PPM1L: variants seen among roughly 807,000 people sequenced by gnomAD.
PPM1L encodes protein phosphatase 1L.
PPM1L carries 13 observed loss-of-function variants against 31.4 expected under a neutral mutation model. The observed-to-expected ratio is 0.41, with a 90% confidence interval of 0.27 to 0.66. The LOEUF (loss-of-function observed/expected upper bound fraction) is 0.66. Among genes scored for constraint, PPM1L ranks in the 30% least tolerant of loss-of-function variants. The probability of loss-of-function intolerance (pLI) is 0.29; values close to 1 mark genes in which losing one functional copy is unlikely to be tolerated. For synonymous variants in PPM1L, 184 were observed against 175.4 expected, an observed-to-expected ratio of 1.05 and a Z score of -0.39; for missense variants, 326 against 453.7, an observed-to-expected ratio of 0.72 and a Z score of 2.56.
At chr3:160,864,629 T>C (rs545313196) in intron 1 of PPM1L, among the ~76,000 whole-genome samples, 37 of 152,348 alleles carry the variant, frequency 2.4e-4, no homozygotes, top group South Asian at 2.1e-4. Flanking sequence ...AGATATGTTT[T>C]TGAGCATCTG....
chr3:160,993,622 A>G (rs1263354417), intron 2 of PPM1L, among the ~76,000 whole-genome samples: 6 of 152,150 alleles, frequency 3.9e-5, no homozygotes, highest in East Asian at 1.9e-4. Context: ...TCAGCCCTTA[A>G]GAATGTTTTG....
intron 2 of PPM1L, among the ~76,000 whole-genome samples, chr3:160,997,411 T>C (rs890748551): frequency 2.0e-5 from 3 of 152,204 alleles, no homozygotes; most frequent in African/African-American, 7.2e-5. Context: ...CCACTGGAAA[T>C]AACCTTTGAG....
chr3:160,841,262 C>A (rs1713871293), intron 1 of PPM1L, among the ~76,000 whole-genome samples: 1 of 151,858 alleles, frequency 6.6e-6, no homozygotes, highest in Admixed American at 6.6e-5. Flanking sequence ...TATTAAGACC[C>A]ATTCCAGAAC....
At chr3:160,778,481 A>T (rs1711625921) in intron 1 of PPM1L, among the ~76,000 whole-genome samples, 1 of 152,178 alleles carries the variant, frequency 6.6e-6, no homozygotes, top group Admixed American at 6.5e-5. Context: ...GCCAATCTAA[A>T]CACACTGAAT....
intron 1 of PPM1L, among the ~76,000 whole-genome samples, chr3:160,835,149 CTTTTTTTTTTTT>C (rs374361985): frequency 2.0e-5 from 1 of 50,670 alleles, no homozygotes; most frequent in Non-Finnish European, 4.4e-5. Flanking sequence ...CTTTTTCTTC[CTTTTTTTTTTTT>C]TTTTTTTTCA....
rs576719297 is a variant in PPM1L at position 161,050,386 on chromosome 3, G to A, written c.575-15017G>A. ...ATGAAAGTAAAAAGCTCTGAATTTG[G>A]TAAAAGTGAAGTAATTTCTATAAAT... On this transcript the variant is annotated intron_variant, in intron 2 of 3. Coordinates refer to ENST00000498165, the MANE Select transcript of PPM1L (RefSeq NM_139245.4). Among the ~76,000 whole-genome samples the A allele has an allele frequency of 7.9e-5, 12 of 152,158 alleles. No individual in the cohort carries two copies. In the South Asian group the frequency reaches 2.5e-3, roughly 32 times the overall value.
At chr3:160,897,794 T>A (rs957690313) in intron 1 of PPM1L, among the ~76,000 whole-genome samples, 7 of 152,190 alleles carry the variant, frequency 4.6e-5, no homozygotes, top group African/African-American at 1.7e-4. Flanking sequence ...GTCTAAACTA[T>A]CCCTGGTGAA....
chr3:160,952,492 C>T (rs1434124818), intron 1 of PPM1L, among the ~76,000 whole-genome samples: 1 of 152,178 alleles, frequency 6.6e-6, no homozygotes, highest in Admixed American at 6.5e-5. Context: ...ACCTTGTGAT[C>T]ATCCCTCGGT....
chr3:160,952,753 C>G (rs1715614395), intron 1 of PPM1L, among the ~76,000 whole-genome samples: 1 of 152,032 alleles, frequency 6.6e-6, no homozygotes. Context: ...TTTTTTCCAG[C>G]TTTAGAAGGC....
chr3:160,884,801 A>G (rs1464697622), intron 1 of PPM1L, among the ~76,000 whole-genome samples: 2 of 152,192 alleles, frequency 1.3e-5, no homozygotes, highest in Non-Finnish European at 2.9e-5. Flanking sequence ...AGACCACTAA[A>G]TAAAATAAAA....
intron 1 of PPM1L, among the ~76,000 whole-genome samples, chr3:160,822,369 C>T (rs1266986461): frequency 6.6e-6 from 1 of 151,988 alleles, no homozygotes; most frequent in African/African-American, 2.4e-5. Context: ...TTAGTTATTA[C>T]TGTACCTTAT....
chr3:161,002,966 T>C (rs1306890286), intron 2 of PPM1L, among the ~76,000 whole-genome samples: 3 of 150,672 alleles, frequency 2.0e-5, no homozygotes, highest in South Asian at 2.1e-4. Flanking sequence ...GTTTTTATGG[T>C]TTTAGGTCTA....
chr3:160,843,092 A>T (rs114731636), intron 1 of PPM1L, among the ~76,000 whole-genome samples: 2,209 of 151,622 alleles, frequency 0.015, 50 homozygotes, highest in African/African-American at 0.05. Flanking sequence ...TCTTTTTTTT[A>T]AAAAAAATTG....
intron 2 of PPM1L, among the ~76,000 whole-genome samples, chr3:160,977,259 C>T (rs886407889): frequency 2.6e-5 from 4 of 152,186 alleles, no homozygotes; most frequent in Non-Finnish European, 4.4e-5. Context: ...TTAGTATATA[C>T]ACTGGAGGAG....
rs548073607 is a variant in PPM1L, at chr3:160,939,438, A to G, written c.400-22298A>G. Among the ~76,000 whole-genome samples the G allele has an allele frequency of 6.8e-4, 103 of 152,266 alleles. 2 individuals are homozygous for G. The highest frequency in any genetic ancestry group is 2.3e-3 in the African/African-American group (97 of 41,532). ...GCTCACATATCCCTTTGGACATGGT[A>G]TGATATGGTTTGGCTGTGTCCCCAC... On this transcript the variant is annotated intron_variant, in intron 1 of 3. Coordinates refer to ENST00000498165, the MANE Select transcript of PPM1L (RefSeq NM_139245.4).
chr3:160,854,975 A>G (rs898540720), intron 1 of PPM1L, among the ~76,000 whole-genome samples: 2 of 152,038 alleles, frequency 1.3e-5, no homozygotes, highest in Non-Finnish European at 2.9e-5. Flanking sequence ...TTCAAACTAT[A>G]CTACAAGGCT....
At chr3:160,789,865 C>T (rs1277557612) in intron 1 of PPM1L, among the ~76,000 whole-genome samples, 2 of 151,826 alleles carry the variant, frequency 1.3e-5, no homozygotes, top group Non-Finnish European at 2.9e-5. Flanking sequence ...TCCAGGAGAC[C>T]CCTCCCCACT....
At chr3:160,886,380 C>T (rs1026951559) in intron 1 of PPM1L, among the ~76,000 whole-genome samples, 23 of 152,196 alleles carry the variant, frequency 1.5e-4, no homozygotes, top group Non-Finnish European at 2.4e-4. Flanking sequence ...GGGTCCTGTT[C>T]CCTGTACCAC....
At chr3:160,866,932 C>T (rs906440053) in intron 1 of PPM1L, among the ~76,000 whole-genome samples, 4 of 152,146 alleles carry the variant, frequency 2.6e-5, no homozygotes, top group Admixed American at 2.6e-4. Flanking sequence ...CCAGCCTTGA[C>T]CTCCTGGTCT....
Sources: allele counts gnomAD v4.1 joint callset (sites outside exome capture counted in the v4.1 genomes callset), GRCh38; gene constraint gnomAD v4.1.1; transcripts MANE v1.5; gene names NCBI Gene and HGNC (gene_info 2026-07-23, HGNC 2026-07-21).